FREM3: variants seen among roughly 807,000 people sequenced by gnomAD.
FREM3 encodes FRAS1-related extracellular matrix protein 3.
In FREM3, 105 loss-of-function variants were observed where a neutral mutation model predicts 129.1. The observed-to-expected ratio is 0.81, with a 90% CI of 0.69 to 0.96. FREM3 has a LOEUF of 0.96. Ranked by LOEUF, FREM3 falls within the 40% of genes least tolerant of loss-of-function variation. FREM3 has a pLI of 0.00. For synonymous variants in FREM3, 1,014 were observed against 1,044.9 expected, an observed-to-expected ratio of 0.97 and a Z score of 0.57; for missense variants, 2,593 against 2,666.3, an observed-to-expected ratio of 0.97 and a Z score of 0.61.
rs1450713023 is a variant in FREM3 at position 143,699,143 on chromosome 4, G to T, written c.1533C>A (p.Asn511Lys). 1.8e-5 allele frequency: 27 copies of T among 1,537,296 alleles called. No individual in the cohort carries two copies. Among genetic ancestry groups the T allele is most frequent in the Non-Finnish European group, 2.4e-5 (27 of 1,146,954 alleles). ...GGAAGATGATATTGTCACTGTAGGTGTTGCTGCCATCATGCTGATACACCA... is the reference window on the plus strand; with the variant it reads ...GGAAGATGATATTGTCACTGTAGGTTTTGCTGCCATCATGCTGATACACCA... ...GRVVYQHDGSNTYSDNIIFRM... is the reference protein window; with the variant it reads ...GRVVYQHDGSKTYSDNIIFRM... Residue 511 changes from asparagine to lysine, a missense_variant, in exon 1 of 8, where the codon AAC (asparagine) becomes AAA (lysine). Coordinates refer to ENST00000329798, the MANE Select transcript of FREM3 (RefSeq NM_001168235.2). The surrounding 1 kb of genome is among the most constrained non-coding windows in gnomAD (Gnocchi z 4.2).
chr4:143,687,577 C>A (rs1740391634), intron 2 of FREM3, among the ~76,000 whole-genome samples: 1 of 152,066 alleles, frequency 6.6e-6, no homozygotes, highest in Non-Finnish European at 1.5e-5. Flanking sequence ...AATTACAGAC[C>A]AATATCCTTG....
chr4:143,695,447 A>T (rs746229944), intron 1 of FREM3, 44 bp downstream of exon 1: 1 of 1,454,932 alleles, frequency 6.9e-7, no homozygotes, highest in Non-Finnish European at 9.1e-7. Flanking sequence ...ATCTGATCCA[A>T]TGAAGGAGAG....
Position 143,697,576 on chromosome 4 carries a change from C to A in FREM3, c.3100G>T (p.Ala1034Ser). Residue 1034 changes from alanine to serine, a missense_variant, in exon 1 of 8, where the codon GCC (alanine) becomes TCC (serine). Around this residue, in one of 2 missense-constraint regions of FREM3, gnomAD observed 2,276 missense variants for 2,267.2 expected, o/e 1.00. Coordinates refer to ENST00000329798, the MANE Select transcript of FREM3 (RefSeq NM_001168235.2). ...TCTTTGGAGAGGATGAGGCTGAAGGCATCGTGCTGCTTTTGAAAACCAACT... is the reference window on the plus strand; with the variant it reads ...TCTTTGGAGAGGATGAGGCTGAAGGAATCGTGCTGCTTTTGAAAACCAACT... ...GEVGFQKQHDAFSLILSKDSY... is the reference protein window; with the variant it reads ...GEVGFQKQHDSFSLILSKDSY... 6.5e-7 allele frequency: 1 copy of A among 1,537,550 alleles called. No homozygotes were observed. The highest frequency in any genetic ancestry group is 1.7e-4 in the Middle Eastern group (1 of 5,992).
chr4:143,616,727 A>G (rs1447320403), intron 5 of FREM3, among the ~76,000 whole-genome samples: 2 of 151,400 alleles, frequency 1.3e-5, no homozygotes, highest in Non-Finnish European at 2.9e-5. Context: ...CGGGAGGCGG[A>G]GCTTGCAGTG....
At chr4:143,664,672 C>G (rs1739817105) in intron 2 of FREM3, among the ~76,000 whole-genome samples, 1 of 152,188 alleles carries the variant, frequency 6.6e-6, no homozygotes, top group Non-Finnish European at 1.5e-5. Context: ...TTTTGTTTGT[C>G]TGTGCCCTGC....
intron 4 of FREM3, 145 bp downstream of exon 4, chr4:143,623,963 T>C (rs1739000804): frequency 1.7e-6 from 1 of 598,856 alleles, no homozygotes; most frequent in Non-Finnish European, 3.0e-6. Context: ...AAAATTATTG[T>C]CTATAAAGTA....
chr4:143,588,642 A>C (rs1423076571), intron 6 of FREM3, among the ~76,000 whole-genome samples: 1 of 151,590 alleles, frequency 6.6e-6, no homozygotes, highest in East Asian at 1.9e-4. Flanking sequence ...CCAGTCTATC[A>C]TTGTTGGACA....
chr4:143,656,541 A>G (rs1739604111), intron 2 of FREM3, among the ~76,000 whole-genome samples: 1 of 152,238 alleles, frequency 6.6e-6, no homozygotes, highest in Non-Finnish European at 1.5e-5. Flanking sequence ...CATTAGGCTA[A>G]GTGACAGAAA....
Position 143,698,866 on chromosome 4 carries a change from AGGAACCAGGGGCCAACTCCCACT to A in FREM3, c.1787_1809del (p.Gln596LeufsTer16), listed in dbSNP as rs1447210499. The A allele has an allele frequency of 1.6e-5, 25 of 1,537,522 alleles. No individual in the cohort carries two copies. Among genetic ancestry groups the A allele is most frequent in the Non-Finnish European group, 2.2e-5 (25 of 1,147,006 alleles). On this transcript the variant is annotated frameshift_variant, in exon 1 of 8. Coordinates refer to ENST00000329798, the MANE Select transcript of FREM3 (RefSeq NM_001168235.2). LOFTEE classifies it high-confidence loss of function. ...TCCCCCAGGTAGTGGCCTGAGTGGG[AGGAACCAGGGGCCAACTCCCACT>A]GAGGCTCTTCCTCATTTCCTTTTAG...
chr4:143,662,637 T>G (rs1320465613), intron 2 of FREM3, among the ~76,000 whole-genome samples: 1 of 151,942 alleles, frequency 6.6e-6, no homozygotes, highest in Non-Finnish European at 1.5e-5. Context: ...CTGGATATCC[T>G]TGTTAACTTT....
At chr4:143,620,897 A>G (rs1380301126) in intron 5 of FREM3, 140 bp downstream of exon 5, 4 of 762,612 alleles carry the variant, frequency 5.2e-6, no homozygotes, top group Non-Finnish European at 8.2e-6. Flanking sequence ...GGGGGTTCGC[A>G]GCAGGGCATG....
At chr4:143,604,328 AAGGACT>A (rs968497522) in intron 6 of FREM3, among the ~76,000 whole-genome samples, 39 of 152,178 alleles carry the variant, frequency 2.6e-4, no homozygotes, top group African/African-American at 9.2e-4. Context: ...AGCAACGCAA[AAGGACT>A]AAGACACTCC....
At chr4:143,681,742 G>A (rs940142399) in intron 2 of FREM3, among the ~76,000 whole-genome samples, 10 of 152,120 alleles carry the variant, frequency 6.6e-5, no homozygotes, top group Non-Finnish European at 1.3e-4. Flanking sequence ...GAGAAGAGAA[G>A]AAAACTTGTA....
At chr4:143,693,684 C>T (rs1403131981) in intron 1 of FREM3, among the ~76,000 whole-genome samples, 1 of 152,162 alleles carries the variant, frequency 6.6e-6, no homozygotes, top group African/African-American at 2.4e-5. Flanking sequence ...ATAGCAAAGA[C>T]ATTGAATCAA....
Position 143,589,618 on chromosome 4 carries a change from C to G in FREM3, c.6029-3625G>C, listed in dbSNP as rs371769357. Among the ~76,000 whole-genome samples the G allele has an allele frequency of 5.3e-3, 804 of 152,240 alleles. 9 individuals are homozygous for G. Among genetic ancestry groups the G allele is most frequent in the African/African-American group, 0.018 (747 of 41,544 alleles). On this transcript the variant is annotated intron_variant, in intron 6 of 7. Transcript: ENST00000329798. ...GGTCTATATCTCTGTTTTGGTACCACTACCATGCTGTTTTGGTTACTGTAG... is the reference window on the plus strand; with the variant it reads ...GGTCTATATCTCTGTTTTGGTACCAGTACCATGCTGTTTTGGTTACTGTAG...
chr4:143,695,625 G>A lies in FREM3; in HGVS notation c.5051C>T (p.Thr1684Ile). ...LHTGHMGFLI[T>I]SKSLKAEDQD... ...ATCTTCTGCCTTCAGAGACTTGCTGGTAATCAGGAAGCCCATGTGTCCAGT... is the reference window on the plus strand; with the variant it reads ...ATCTTCTGCCTTCAGAGACTTGCTGATAATCAGGAAGCCCATGTGTCCAGT... The change falls in exon 1 of 8, where the codon ACC becomes ATC. Residue 1684 changes from threonine (T) to isoleucine (I), a missense_variant. Around this residue, in one of 2 missense-constraint regions of FREM3, gnomAD observed 2,276 missense variants for 2,267.2 expected, o/e 1.00. Transcript: ENST00000329798. 2 of 1,537,276 alleles carry A rather than the reference G, an allele frequency of 1.3e-6. No homozygotes were observed. The highest frequency in any genetic ancestry group is 8.7e-7 in the Non-Finnish European group (1 of 1,146,916).
Position 143,696,565 on chromosome 4 carries a change from G to T in FREM3, c.4111C>A (p.Leu1371Met). The T allele has an allele frequency of 6.5e-7, 1 of 1,537,470 alleles. No homozygotes were observed. The highest frequency in any genetic ancestry group is 8.7e-7 in the Non-Finnish European group (1 of 1,146,972). The stretch of plus-strand genomic sequence containing the variant: ...TCATCCTGGGTAAAGTTCATTCCCA[G>T]AGTAAGATTGTTCCTCACTTCTCCT... Reference protein sequence around the residue: ...PRGEVRNNLTLGMNFTQDEIN... With the variant: ...PRGEVRNNLTMGMNFTQDEIN... The change falls in exon 1 of 8, where the codon CTG becomes ATG. Residue 1371 changes from leucine to methionine, a missense_variant. Physicochemically the swap from Leu to Met is conservative, Grantham distance 15 (BLOSUM62 2). This residue lies in a region of FREM3 where 2,276 missense variants were observed against 2,267.2 expected (regional missense o/e 1.00). Transcript: ENST00000329798.
chr4:143,589,241 T>A (rs1196184754), intron 6 of FREM3, among the ~76,000 whole-genome samples: 1 of 152,226 alleles, frequency 6.6e-6, no homozygotes, highest in Non-Finnish European at 1.5e-5. Context: ...GTTCTTTAGT[T>A]TAATTAGATC....
At chr4:143,644,205 G>C (rs903978074) in intron 2 of FREM3, among the ~76,000 whole-genome samples, 1 of 152,030 alleles carries the variant, frequency 6.6e-6, no homozygotes, top group East Asian at 1.9e-4. Context: ...GTGTGTGCGC[G>C]TGTGCATTTG....
Sources: allele counts gnomAD v4.1 joint callset (sites outside exome capture counted in the v4.1 genomes callset), GRCh38; gene constraint gnomAD v4.1.1; regional missense constraint gnomAD v4.1.1; non-coding constraint Gnocchi (gnomAD v3.1); transcripts MANE v1.5; gene names NCBI Gene and HGNC (gene_info 2026-07-23, HGNC 2026-07-21).